Variants in POMK observed in about 807,000 individuals in gnomAD.
POMK encodes the protein Sugen kinase 196.
POMK carries 19 observed loss-of-function variants against 23.0 expected under a neutral mutation model. The ratio of observed to expected loss-of-function variants is 0.83; its 90% confidence interval spans 0.58 to 1.21. The LOEUF is 1.21. POMK is among the 50% of genes most tolerant of loss of function. POMK has a pLI of 0.00. For synonymous variants in POMK, 173 were observed against 171.6 expected, an observed-to-expected ratio of 1.01 and a Z score of -0.06; for missense variants, 410 against 431.3, an observed-to-expected ratio of 0.95 and a Z score of 0.44.
chr8:43,119,960 TGTTA>T (rs1377283649), intron 4 of POMK, among the ~76,000 whole-genome samples: 5 of 151,062 alleles, frequency 3.3e-5, no homozygotes, highest in African/African-American at 9.7e-5. Context: ...AAATTCCCAA[TGTTA>T]GTTTTTCTGA....
rs1339082284 is a variant in POMK, at chr8:43,120,782, A to AT, written c.283-1323dup. 2.0e-5 allele frequency among the ~76,000 whole-genome samples: 3 copies of AT among 150,578 alleles called. No individual in the cohort carries two copies. In the East Asian group the frequency reaches 5.9e-4, roughly 30 times the overall value. On this transcript the variant is annotated intron_variant, in intron 4 of 4. Coordinates refer to ENST00000331373, the MANE Select transcript of POMK (RefSeq NM_032237.5). ...AACCTCTGCCTCCCGGGTTCAAGTG[A>AT]TTCTCCTGCCTCAGCCTCCCAGGTA...
chr8:43,106,874 G>T (rs1811554800), intron 4 of POMK, among the ~76,000 whole-genome samples: 2 of 152,276 alleles, frequency 1.3e-5, no homozygotes, highest in Middle Eastern at 3.4e-3. Flanking sequence ...TAAGGTGTGG[G>T]CTATGAAGAT....
chr8:43,103,972 A>T lies in POMK; in HGVS notation c.282+142A>T, dbSNP rs1174749677. ...GTGTACTCCATTGCATATGTGCACC[A>T]CATTTGCTTTGGTTGATTCTGTATC... On this transcript the variant is annotated intron_variant, in intron 4 of 4. Coordinates refer to ENST00000331373, the MANE Select transcript of POMK (RefSeq NM_032237.5). 2.0e-5 allele frequency: 17 copies of T among 851,470 alleles called. No homozygotes were observed. The African/African-American group carries it at 2.2e-4, about 11-fold the overall frequency. The allele number at this position is 851,470 out of a possible 1,614,324, so 52.7% of individuals were successfully genotyped here.
At chr8:43,096,382 G>T (rs773622331) in intron 1 of POMK, among the ~76,000 whole-genome samples, 1 of 150,652 alleles carries the variant, frequency 6.6e-6, no homozygotes, top group Non-Finnish European at 1.5e-5. Flanking sequence ...CCCTGCATGG[G>T]CCGGACATGG....
At chr8:43,116,157 A>G (rs755403477) in intron 4 of POMK, among the ~76,000 whole-genome samples, 1 of 152,250 alleles carries the variant, frequency 6.6e-6, no homozygotes, top group African/African-American at 2.4e-5. Context: ...TTGTTTGCCT[A>G]CTGCACTAGT....
At chr8:43,114,609 T>C (rs1811755300) in intron 4 of POMK, among the ~76,000 whole-genome samples, 1 of 152,246 alleles carries the variant, frequency 6.6e-6, no homozygotes, top group African/African-American at 2.4e-5. Flanking sequence ...CACGGTGCGC[T>C]GCACCCACTG....
intron 4 of POMK, among the ~76,000 whole-genome samples, chr8:43,111,819 G>A (rs761839257): frequency 6.9e-4 from 105 of 152,252 alleles, no homozygotes; most frequent in Non-Finnish European, 9.4e-4. Context: ...AGGGTCTGGA[G>A]TGGACTTCCA....
At chr8:43,108,638 TG>T (rs1387731340) in intron 4 of POMK, among the ~76,000 whole-genome samples, 1 of 152,080 alleles carries the variant, frequency 6.6e-6, no homozygotes, top group Non-Finnish European at 1.5e-5. Context: ...AACTTCTGTT[TG>T]ATATTTATGA....
intron 4 of POMK, among the ~76,000 whole-genome samples, chr8:43,104,228 T>G (rs1179785358): frequency 6.6e-6 from 1 of 152,080 alleles, no homozygotes; most frequent in African/African-American, 2.4e-5. Context: ...GTTCAAGTGA[T>G]TCTCGTGACT....
At chr8:43,104,383 A>G (rs1427097851) in intron 4 of POMK, among the ~76,000 whole-genome samples, 1 of 152,110 alleles carries the variant, frequency 6.6e-6, no homozygotes, top group Non-Finnish European at 1.5e-5. Context: ...CGGCCTCCCA[A>G]TCGGACTTTA....
chr8:43,114,733 G>C (rs773491345), intron 4 of POMK, among the ~76,000 whole-genome samples: 2 of 152,234 alleles, frequency 1.3e-5, no homozygotes, highest in Admixed American at 6.5e-5. Context: ...GACCAGAGCT[G>C]TTCCTATTCG....
intron 4 of POMK, among the ~76,000 whole-genome samples, chr8:43,110,611 G>T (rs1306695170): frequency 6.6e-6 from 1 of 152,136 alleles, no homozygotes; most frequent in Non-Finnish European, 1.5e-5. Context: ...TACCATACAA[G>T]ATCTTTTCTT....
rs74948602 is a variant in POMK at position 43,100,462 on chromosome 8, C to G, written c.-117-2043C>G. Among the ~76,000 whole-genome samples the G allele has an allele frequency of 4.0e-3, 606 of 151,502 alleles. 13 individuals carry two copies. Among genetic ancestry groups the G allele is most frequent in the Admixed American group, 0.032 (490 of 15,190 alleles). ...AGGCACCAGGGTGTGTGCTAATAGG[C>G]CTCTGAGGCCTCGTGTGTGGTGATG... is the stretch of plus-strand genomic sequence containing the variant. On this transcript the variant is annotated intron_variant, in intron 2 of 4. Coordinates refer to ENST00000331373, the MANE Select transcript of POMK (RefSeq NM_032237.5).
chr8:43,105,131 T>G (rs527984240), intron 4 of POMK, among the ~76,000 whole-genome samples: 1 of 152,332 alleles, frequency 6.6e-6, no homozygotes, highest in African/African-American at 2.4e-5. Context: ...CAGTGTGTAG[T>G]TAGCGGATCA....
intron 4 of POMK, among the ~76,000 whole-genome samples, chr8:43,115,126 AT>A (rs1811770349): frequency 6.6e-6 from 1 of 152,182 alleles, no homozygotes; most frequent in Non-Finnish European, 1.5e-5. Context: ...TTGAGGCTAT[AT>A]TTAATGCTTA....
rs1421370755 is a variant in POMK at position 43,122,557 on chromosome 8, G to A, written c.733G>A (p.Gly245Ser). The change falls in exon 5 of 5, where the codon GGC (glycine) becomes AGC (serine). Residue 245 changes from glycine (G) to serine (S), a missense_variant. Transcript: ENST00000331373. Reference sequence around the variant, plus strand: ...CAGCTCCGGGATGCTGGTGAAGTGCGGCCACAGGGAGCTGCATGGGGATTT... The same window carrying A: ...CAGCTCCGGGATGCTGGTGAAGTGCAGCCACAGGGAGCTGCATGGGGATTT... ...NHSSGMLVKCGHRELHGDFVA... is the reference protein window; with the variant it reads ...NHSSGMLVKCSHRELHGDFVA... 5.6e-6 allele frequency: 9 copies of A among 1,614,060 alleles called. No individual in the cohort carries two copies. Among genetic ancestry groups the A allele is most frequent in the East Asian group, 4.5e-5 (2 of 44,898 alleles).
chr8:43,105,878 G>T (rs1811534330), intron 4 of POMK, among the ~76,000 whole-genome samples: 1 of 152,168 alleles, frequency 6.6e-6, no homozygotes, highest in African/African-American at 2.4e-5. Context: ...GGCCAGGCTG[G>T]TCTTGAACTC....
intron 4 of POMK, among the ~76,000 whole-genome samples, chr8:43,111,702 A>G (rs1197405387): frequency 6.6e-6 from 1 of 152,186 alleles, no homozygotes; most frequent in Non-Finnish European, 1.5e-5. Flanking sequence ...TCACACGGCC[A>G]GGTACTCCTC....
At chr8:43,102,877 G>C (rs1180389541) in intron 3 of POMK, among the ~76,000 whole-genome samples, 1 of 152,218 alleles carries the variant, frequency 6.6e-6, no homozygotes, top group Non-Finnish European at 1.5e-5. Flanking sequence ...TGTGACATCT[G>C]AGTGGTCATC....
Sources: allele counts gnomAD v4.1 joint callset (sites outside exome capture counted in the v4.1 genomes callset), GRCh38; gene constraint gnomAD v4.1.1; transcripts MANE v1.5; gene names NCBI Gene and HGNC (gene_info 2026-07-23, HGNC 2026-07-21).